ENPP2: variants seen among roughly 807,000 people sequenced by gnomAD.
The protein encoded by ENPP2 is autotaxin.
ENPP2 carries 51 observed loss-of-function variants against 120.2 expected under a neutral mutation model. That is an observed-to-expected ratio of 0.42 (90% CI 0.34 to 0.54). The LOEUF is 0.54. Ranked by LOEUF, ENPP2 falls within the 20% of genes least tolerant of loss-of-function variation. The pLI, the probability that ENPP2 is intolerant of heterozygous loss-of-function variation, is 0.04. For missense variants in ENPP2, 920 were observed against 1,066.5 expected, an observed-to-expected ratio of 0.86 and a Z score of 1.91; for synonymous variants, 365 against 366.4, an observed-to-expected ratio of 1.00 and a Z score of 0.04.
At chr8:119,669,131 C>CA (rs1818167149) in intron 1 of ENPP2, among the ~76,000 whole-genome samples, 2 of 152,186 alleles carry the variant, frequency 1.3e-5, no homozygotes, top group African/African-American at 2.4e-5. Flanking sequence ...ATCAATGATG[C>CA]TGAATAAACA....
chr8:119,650,305 G>T (rs1026635008), intron 1 of ENPP2, among the ~76,000 whole-genome samples: 2 of 152,122 alleles, frequency 1.3e-5, no homozygotes, highest in African/African-American at 4.8e-5. Context: ...GGGGATAAAA[G>T]GTCAATTAGC....
intron 2 of ENPP2, among the ~76,000 whole-genome samples, chr8:119,631,582 C>A (rs1816688778): frequency 2.0e-5 from 3 of 151,884 alleles, no homozygotes; most frequent in Admixed American, 2.0e-4. Context: ...CTCCTGTGTG[C>A]AATGGAAAAG....
chr8:119,562,838 A>C lies in ENPP2; in HGVS notation c.2421+19T>G, dbSNP rs762835604. On this transcript the variant is annotated intron_variant, in intron 24 of 24. Coordinates refer to ENST00000075322, the MANE Select transcript of ENPP2 (RefSeq NM_001040092.3). ...GAACTATGGAAGCAAATCCTAAAGGACTCTCTCTGTAAACTCACATTGCAG... is the reference window on the plus strand; with the variant it reads ...GAACTATGGAAGCAAATCCTAAAGGCCTCTCTCTGTAAACTCACATTGCAG... 1.9e-6 allele frequency: 3 copies of C among 1,610,722 alleles called. No homozygotes were observed. The South Asian group carries it at 3.3e-5, about 18-fold the overall frequency.
In ENPP2 at chr8:119,630,441, A is replaced by G. The variant is rs188004398; in HGVS notation, c.137-3721T>C. Among the ~76,000 whole-genome samples the G allele has an allele frequency of 2.0e-5, 3 of 152,248 alleles. No homozygotes were observed. In the East Asian group the frequency reaches 5.8e-4, roughly 29 times the overall value. ...TCTTTACTTTCAGAGTATCTGTGTG[A>G]ATTTTTAGCCACATTTAATCTTTCT... On this transcript the variant is annotated intron_variant, in intron 2 of 24. Transcript: ENST00000075322.
intron 3 of ENPP2, among the ~76,000 whole-genome samples, chr8:119,626,042 G>GAA (rs149710626): frequency 2.0e-4 from 31 of 151,910 alleles, no homozygotes; most frequent in Non-Finnish European, 4.4e-5. Flanking sequence ...GGGAAAGCAA[G>GAA]AAAAAAAATT....
At chr8:119,569,728 A>C (rs1270055668) in intron 20 of ENPP2, among the ~76,000 whole-genome samples, 1 of 127,350 alleles carries the variant, frequency 7.9e-6, no homozygotes, top group East Asian at 2.5e-4. Context: ...ATCTCCTCTA[A>C]ATAGACTATT....
chr8:119,624,598 A>G (rs1816143317), intron 3 of ENPP2, among the ~76,000 whole-genome samples: 1 of 152,206 alleles, frequency 6.6e-6, no homozygotes, highest in African/African-American at 2.4e-5. Flanking sequence ...ATCATTCATA[A>G]TAGTAAAACT....
intron 11 of ENPP2, among the ~76,000 whole-genome samples, chr8:119,597,434 G>A (rs185910156): frequency 6.6e-6 from 1 of 152,238 alleles, no homozygotes; most frequent in East Asian, 1.9e-4. Flanking sequence ...GTCAAACTGG[G>A]TTTTCATCCA....
intron 15 of ENPP2, among the ~76,000 whole-genome samples, chr8:119,585,363 C>G (rs1230361142): frequency 3.3e-5 from 5 of 152,090 alleles, no homozygotes; most frequent in Non-Finnish European, 7.4e-5. Context: ...TCTAAACATC[C>G]CATACTGATA....
At chr8:119,583,033 A>T (rs181284081) in intron 17 of ENPP2, among the ~76,000 whole-genome samples, 1 of 152,102 alleles carries the variant, frequency 6.6e-6, no homozygotes, top group African/African-American at 2.4e-5. Flanking sequence ...CCCTCTAATG[A>T]CTCCACAGAA....
chr8:119,654,410 T>C (rs1817712914), intron 1 of ENPP2, among the ~76,000 whole-genome samples: 1 of 145,136 alleles, frequency 6.9e-6, no homozygotes, highest in Non-Finnish European at 1.5e-5. Context: ...TATCTAGATA[T>C]ATAATATAAA....
intron 9 of ENPP2, among the ~76,000 whole-genome samples, chr8:119,601,708 T>C (rs944679069): frequency 1.3e-5 from 2 of 152,152 alleles, no homozygotes; most frequent in Non-Finnish European, 2.9e-5. Context: ...ACAGTCAGAA[T>C]GAGGAACCTG....
chr8:119,672,143 T>TC (rs1818269948), intron 1 of ENPP2, among the ~76,000 whole-genome samples: 1 of 151,932 alleles, frequency 6.6e-6, no homozygotes, highest in African/African-American at 2.4e-5. Context: ...TGAGGAGATG[T>TC]CGGGAGACAG....
intron 20 of ENPP2, among the ~76,000 whole-genome samples, chr8:119,569,649 T>C (rs540906153): frequency 6.6e-6 from 1 of 151,988 alleles, no homozygotes; most frequent in South Asian, 2.1e-4. Flanking sequence ...AATCCCACTG[T>C]TGAAATAATA....
At chr8:119,600,006 CAAA>C (rs58150510) in intron 11 of ENPP2, among the ~76,000 whole-genome samples, 3 of 68,996 alleles carry the variant, frequency 4.3e-5, no homozygotes, top group African/African-American at 4.4e-5. Context: ...GACTCTGTCT[CAAA>C]AAAAAAAAAA....
intron 2 of ENPP2, among the ~76,000 whole-genome samples, chr8:119,630,884 C>T (rs1816615207): frequency 6.8e-6 from 1 of 146,618 alleles, no homozygotes; most frequent in African/African-American, 2.5e-5. Context: ...GCTGCTATCT[C>T]TTTTTTTTTT....
intron 1 of ENPP2, among the ~76,000 whole-genome samples, chr8:119,657,716 C>T (rs998068792): frequency 3.3e-5 from 5 of 152,156 alleles, no homozygotes; most frequent in Non-Finnish European, 5.9e-5. Context: ...CTTTATTAGA[C>T]GTGTGTTTGT....
chr8:119,631,498 G>C (rs1816681633), intron 2 of ENPP2, among the ~76,000 whole-genome samples: 1 of 152,094 alleles, frequency 6.6e-6, no homozygotes, highest in Admixed American at 6.5e-5. Context: ...TTACAGGCGT[G>C]AGCCACCACG....
chr8:119,568,254 T>C lies in ENPP2; in HGVS notation c.2054-2A>G. 1 of 1,546,524 alleles carries C rather than the reference T, an allele frequency of 6.5e-7. No individual in the cohort carries two copies. Among genetic ancestry groups the C allele is most frequent in the Non-Finnish European group, 8.9e-7 (1 of 1,125,002 alleles). Reference sequence around the variant, plus strand: ...TAGCCTCTGGTGAAGAGCTCAGATCTAAACATTAGGAAAACAAATAGTATA... The same window carrying C: ...TAGCCTCTGGTGAAGAGCTCAGATCCAAACATTAGGAAAACAAATAGTATA... On this transcript the variant is annotated splice_acceptor_variant, in intron 21 of 24. Coordinates refer to ENST00000075322, the MANE Select transcript of ENPP2 (RefSeq NM_001040092.3). LOFTEE classifies it high-confidence loss of function.
Sources: allele counts gnomAD v4.1 joint callset (sites outside exome capture counted in the v4.1 genomes callset), GRCh38; gene constraint gnomAD v4.1.1; transcripts MANE v1.5; gene names NCBI Gene and HGNC (gene_info 2026-07-23, HGNC 2026-07-21).